The following KIAA0513 variants were observed in gnomAD, a reference collection of about 807,000 sequenced individuals.
KIAA0513 encodes the protein uncharacterized protein KIAA0513.
KIAA0513 carries 39 observed loss-of-function variants against 56.5 expected under a neutral mutation model. The observed-to-expected ratio is 0.69, with a 90% CI of 0.53 to 0.90. The LOEUF is 0.90. Among genes scored for constraint, KIAA0513 ranks in the 40% least tolerant of loss-of-function variants. The probability of loss-of-function intolerance (pLI) is 0.00; values close to 1 mark genes in which losing one functional copy is unlikely to be tolerated. For synonymous variants in KIAA0513, 268 were observed against 215.6 expected, an observed-to-expected ratio of 1.24 and a Z score of -2.13; for missense variants, 591 against 535.2, an observed-to-expected ratio of 1.10 and a Z score of -1.03.
In KIAA0513 at chr16:85,078,941, C is replaced by T. The variant is rs534992850; in HGVS notation, c.840C>T (p.Pro280=). Residue 280 remains proline (P), a synonymous_variant, in exon 8 of 13, where the codon CCC becomes CCT. Coordinates refer to ENST00000683363, the MANE Select transcript of KIAA0513 (RefSeq NM_001388359.1). ...CTCCCACAGTGACCGCGTACAGCCC[C>T]GAGGACGAAAAGAAGGGGGAGAAGA... ...KRPRAVTAYS[P]EDEKKGEKIY... 40 of 1,614,136 alleles carry T rather than the reference C, an allele frequency of 2.5e-5. No homozygotes were observed. The highest frequency in any genetic ancestry group is 1.3e-4 in the Admixed American group (8 of 60,008).
chr16:85,084,874 G>A (rs987628299), intron 10 of KIAA0513, among the ~76,000 whole-genome samples: 2 of 152,230 alleles, frequency 1.3e-5, no homozygotes, highest in Admixed American at 1.3e-4. Context: ...GAACTCAGTT[G>A]TAAGAAGTGA....
chr16:85,084,861 C>A (rs1347348024), intron 10 of KIAA0513, among the ~76,000 whole-genome samples: 1 of 152,226 alleles, frequency 6.6e-6, no homozygotes, highest in Admixed American at 6.5e-5. Flanking sequence ...CCGCACCCGG[C>A]CTGAACTCAG....
chr16:85,077,543 G>A lies in KIAA0513; in HGVS notation c.693G>A (p.Leu231=), dbSNP rs201991762. The A allele has an allele frequency of 6.8e-6, 11 of 1,614,052 alleles. No individual in the cohort carries two copies. Among genetic ancestry groups the A allele is most frequent in the Middle Eastern group, 1.6e-4 (1 of 6,084 alleles). Residue 231 remains leucine (L), a synonymous_variant, in exon 6 of 13, where the codon CTG becomes CTA. Coordinates refer to ENST00000683363, the MANE Select transcript of KIAA0513 (RefSeq NM_001388359.1). ...AGAAGGACATCGCCGAGCGGCTGCT[G>A]AAGAACACCTCGGCCAGGACTGAGA... The part of the protein sequence containing the change: ...AEKKDIAERL[L]KNTSARTENV...
chr16:85,094,134 A>G lies in KIAA0513; in HGVS notation c.*5809A>G, dbSNP rs1231755480. Reference sequence around the variant, plus strand: ...GGTGAAGATCTCAAAACAGTGCTAAAATCAAAGGTGTTTGCTGTGAAGAAA... The same window carrying G: ...GGTGAAGATCTCAAAACAGTGCTAAGATCAAAGGTGTTTGCTGTGAAGAAA... On this transcript the variant is annotated 3_prime_UTR_variant, in exon 13 of 13. Transcript: ENST00000683363. The G allele has an allele frequency of 2.6e-5, 4 of 151,842 alleles. No homozygotes were observed. The highest frequency in any genetic ancestry group is 5.9e-5 in the Non-Finnish European group (4 of 67,930). The allele number at this position is 151,842 out of a possible 1,614,324, so 9.4% of individuals were successfully genotyped here. A position where few individuals can be genotyped will look rare whatever the true frequency, so the allele number is the denominator to read the frequency against.
chr16:85,034,335 A>G (rs576311912), intron 1 of KIAA0513, among the ~76,000 whole-genome samples: 2 of 152,268 alleles, frequency 1.3e-5, no homozygotes, highest in Admixed American at 1.3e-4. Context: ...AGCTGAGATC[A>G]CACCATTGAA....
Position 85,071,889 on chromosome 16 carries a change from G to A in KIAA0513, c.429+7G>A, listed in dbSNP as rs780184266. ...TCGATACGTGAGTGCCCAGGTAAGG[G>A]CGAGGTGATGGGAAGGATGGGCGTT... On this transcript the variant is annotated splice_region_variant and intron_variant, in intron 3 of 12. Transcript: ENST00000683363. 1 of 1,572,332 alleles carries A rather than the reference G, an allele frequency of 6.4e-7. No homozygotes were observed. The highest frequency in any genetic ancestry group is 8.7e-7 in the Non-Finnish European group (1 of 1,144,120).
intron 1 of KIAA0513, among the ~76,000 whole-genome samples, chr16:85,041,340 A>G (rs916298516): frequency 3.9e-5 from 6 of 152,158 alleles, no homozygotes; most frequent in African/African-American, 1.2e-4. Context: ...GGCTTCTACC[A>G]GATTTCACCC....
At chr16:85,074,945 G>T (rs541766866) in intron 4 of KIAA0513, among the ~76,000 whole-genome samples, 6 of 151,476 alleles carry the variant, frequency 4.0e-5, no homozygotes, top group African/African-American at 1.5e-4. Context: ...TATAAGTAAC[G>T]TTGGGGAGGG....
chr16:85,080,721 A>G (rs2073731143), intron 8 of KIAA0513, among the ~76,000 whole-genome samples: 1 of 152,202 alleles, frequency 6.6e-6, no homozygotes. Flanking sequence ...TGAACCTGGG[A>G]GGCAGAGGTT....
intron 2 of KIAA0513, among the ~76,000 whole-genome samples, chr16:85,068,663 C>T (rs1304302632): frequency 2.0e-5 from 3 of 152,106 alleles, no homozygotes; most frequent in African/African-American, 7.2e-5. Flanking sequence ...GATGAGGTTT[C>T]ACCATGTTGG....
chr16:85,088,309 A>G lies in KIAA0513; in HGVS notation c.1220A>G (p.Gln407Arg). The G allele has an allele frequency of 1.9e-6, 3 of 1,611,900 alleles. No individual in the cohort carries two copies. Among genetic ancestry groups the G allele is most frequent in the Non-Finnish European group, 2.5e-6 (3 of 1,179,918 alleles). The stretch of plus-strand genomic sequence containing the variant: ...AAGCTGCTTAGTGACCACATTGAGC[A>G]AATGGCCACTGAGTAGGCCCCAGAG... ...QYKLLSDHIE[Q>R]MATE The change falls in exon 13 of 13, where the codon CAA (glutamine) becomes CGA (arginine). Residue 407 changes from glutamine (Q) to arginine (R), a missense_variant. Physicochemically the swap from Gln to Arg is conservative, Grantham distance 43 (BLOSUM62 1). Transcript: ENST00000683363.
chr16:85,073,797 C>G (rs563362957), intron 4 of KIAA0513, among the ~76,000 whole-genome samples: 6 of 152,348 alleles, frequency 3.9e-5, no homozygotes, highest in African/African-American at 1.4e-4. Flanking sequence ...CAAGCAGTCC[C>G]TGCTTTGGGC....
At chr16:85,079,233 G>A in intron 8 of KIAA0513, 1 of 835,426 alleles carries the variant, frequency 1.2e-6, no homozygotes, top group Non-Finnish European at 1.8e-6. Context: ...CTGAGAAACA[G>A]TCTGGCAGTT....
intron 1 of KIAA0513, among the ~76,000 whole-genome samples, chr16:85,054,622 G>GC (rs2073302387): frequency 6.6e-6 from 1 of 151,684 alleles, no homozygotes; most frequent in Admixed American, 6.6e-5. Context: ...TAGAGATGGG[G>GC]CCTCACCATG....
At chr16:85,061,223 C>G (rs1289496153) in intron 1 of KIAA0513, among the ~76,000 whole-genome samples, 1 of 152,098 alleles carries the variant, frequency 6.6e-6, no homozygotes, top group African/African-American at 2.4e-5. Flanking sequence ...TGCAGACAGA[C>G]TTTTGGCAAA....
At chr16:85,048,583 AAAAGAC>A (rs1393512617) in intron 1 of KIAA0513, among the ~76,000 whole-genome samples, 1 of 152,112 alleles carries the variant, frequency 6.6e-6, no homozygotes, top group East Asian at 1.9e-4. Flanking sequence ...TGGCTCTGTT[AAAAGAC>A]TTTCTGAAGC....
intron 2 of KIAA0513, 112 bp from the exon 3 acceptor site, chr16:85,071,671 G>A: frequency 1.2e-6 from 1 of 862,222 alleles, no homozygotes; most frequent in Non-Finnish European, 1.8e-6. Context: ...TGGGGTCTGT[G>A]CTTGGCTGGG....
rs576561446 is a variant in KIAA0513 at position 85,074,790 on chromosome 16, C to G, written c.504-1054C>G. 1.6e-3 allele frequency among the ~76,000 whole-genome samples: 238 copies of G among 151,442 alleles called. 2 individuals are homozygous for G. The highest frequency in any genetic ancestry group is 5.5e-3 in the African/African-American group (227 of 41,332). On this transcript the variant is annotated intron_variant, in intron 4 of 12. Coordinates refer to ENST00000683363, the MANE Select transcript of KIAA0513 (RefSeq NM_001388359.1). ...AACATTCTCTCATGCAATTAAGATA[C>G]TTCAATTTCCGACATTTGCAGTCAC... is the stretch of plus-strand genomic sequence containing the variant.
At chr16:85,088,175 C>T (rs1030394857) in intron 12 of KIAA0513, 101 bp from the exon 13 acceptor site, 15 of 1,075,400 alleles carry the variant, frequency 1.4e-5, no homozygotes, top group Admixed American at 3.5e-5. Context: ...AGCCCTGCTC[C>T]CAGGGAGGCC....
Sources: gnomAD v4.1 joint callset for allele counts (sites outside exome capture counted in the v4.1 genomes callset) on GRCh38, gnomAD v4.1.1 for gene constraint, MANE v1.5 for transcripts, NCBI Gene and HGNC (gene_info 2026-07-23, HGNC 2026-07-21) for gene names.